USP54: variants seen among roughly 807,000 people sequenced by gnomAD.
USP54 encodes the protein ubiquitin carboxyl-terminal hydrolase 54.
In USP54, 87 loss-of-function variants were observed where a neutral mutation model predicts 170.5. The observed-to-expected ratio is 0.51, with a 90% CI of 0.43 to 0.61. USP54 has a LOEUF of 0.61. USP54 is among the 20% of genes least tolerant of loss of function. The pLI is 0.00. For synonymous variants in USP54, 655 were observed against 742.8 expected (o/e 0.88, Z 1.92); for missense variants, 1,786 against 2,047.8 (o/e 0.87, Z 2.47).
chr10:73,522,171 G>C (rs1465844294), intron 17 of USP54, among the ~76,000 whole-genome samples: 1 of 152,194 alleles, frequency 6.6e-6, no homozygotes, highest in African/African-American at 2.4e-5. Context: ...GGAAACAGCA[G>C]GTTGGTTCTG....
At chr10:73,621,615 A>C (rs2081103900) in intron 1 of USP54, among the ~76,000 whole-genome samples, 1 of 151,660 alleles carries the variant, frequency 6.6e-6, no homozygotes, top group African/African-American at 2.4e-5. Context: ...AAAAAAAAAA[A>C]AAAACTACTG....
intron 4 of USP54, among the ~76,000 whole-genome samples, chr10:73,549,528 C>T (rs1382958004): frequency 1.3e-5 from 2 of 152,152 alleles, no homozygotes; most frequent in East Asian, 1.9e-4. Flanking sequence ...TTGTTTAGGT[C>T]GAAAACCTTG....
At chr10:73,526,373 G>A (rs1267149108) in intron 16 of USP54, among the ~76,000 whole-genome samples, 5 of 151,954 alleles carry the variant, frequency 3.3e-5, no homozygotes, top group Non-Finnish European at 7.4e-5. Flanking sequence ...TCAGCCTCCC[G>A]AGCAGCTGGG....
chr10:73,539,981 C>T (rs1033583850), intron 9 of USP54, among the ~76,000 whole-genome samples: 6 of 151,946 alleles, frequency 3.9e-5, no homozygotes, highest in African/African-American at 1.5e-4. Context: ...CAAAAATCAG[C>T]TGGGTGTGGT....
chr10:73,587,672 T>G, intron 1 of USP54, among the ~76,000 whole-genome samples: 1 of 152,190 alleles, frequency 6.6e-6, no homozygotes, highest in Non-Finnish European at 1.5e-5. Flanking sequence ...TTGACCAAGT[T>G]ATTGAACTAA....
At chr10:73,574,693 C>T (rs2075826227) in intron 3 of USP54, among the ~76,000 whole-genome samples, 1 of 151,922 alleles carries the variant, frequency 6.6e-6, no homozygotes. Context: ...ATGAGAATTG[C>T]TTGAACCCAA....
chr10:73,567,006 A>T (rs1181271403), intron 4 of USP54, among the ~76,000 whole-genome samples: 1 of 151,808 alleles, frequency 6.6e-6, no homozygotes, highest in Non-Finnish European at 1.5e-5. Context: ...CCTCCTGAGT[A>T]GCTGGGATTA....
intron 1 of USP54, among the ~76,000 whole-genome samples, chr10:73,583,527 C>T (rs2077128302): frequency 6.6e-6 from 1 of 152,156 alleles, no homozygotes. Context: ...CTCGGGTGAT[C>T]CGCCCGCCTC....
At chr10:73,583,228 G>T (rs2077088523) in intron 1 of USP54, among the ~76,000 whole-genome samples, 1 of 152,142 alleles carries the variant, frequency 6.6e-6, no homozygotes, top group South Asian at 2.1e-4. Context: ...TAGGATCCTG[G>T]AACAGAAAAA....
At chr10:73,511,574 C>A (rs1163237753) in intron 20 of USP54, among the ~76,000 whole-genome samples, 2 of 150,248 alleles carry the variant, frequency 1.3e-5, no homozygotes, top group South Asian at 2.1e-4. Flanking sequence ...GCACGAGAAT[C>A]GCTTGAACCT....
chr10:73,523,522 G>A (rs2062260170), intron 17 of USP54, 61 bp downstream of exon 17: 5 of 1,466,212 alleles, frequency 3.4e-6, no homozygotes, highest in Admixed American at 2.2e-5. Context: ...AAGCTTAGAT[G>A]TTTTTTTCTA....
intron 1 of USP54, among the ~76,000 whole-genome samples, chr10:73,585,514 T>C (rs2077376810): frequency 6.6e-6 from 1 of 152,100 alleles, no homozygotes; most frequent in African/African-American, 2.4e-5. Flanking sequence ...CAACCAGATC[T>C]TGTGTGAATT....
chr10:73,532,811 T>C (rs536469364), intron 12 of USP54, among the ~76,000 whole-genome samples: 1 of 151,846 alleles, frequency 6.6e-6, no homozygotes, highest in Admixed American at 6.6e-5. Flanking sequence ...TAGCAATAAA[T>C]TGCAAGGAAA....
intron 1 of USP54, among the ~76,000 whole-genome samples, chr10:73,623,990 T>C (rs2081280428): frequency 6.6e-6 from 1 of 151,736 alleles, no homozygotes; most frequent in Non-Finnish European, 1.5e-5. Context: ...CATGCAGAAA[T>C]CTTTTGGACT....
intron 4 of USP54, among the ~76,000 whole-genome samples, chr10:73,557,895 T>G (rs990649400): frequency 6.8e-6 from 1 of 146,114 alleles, no homozygotes; most frequent in Non-Finnish European, 1.5e-5. Context: ...TTTTTTTTTT[T>G]TTTTTGAGAT....
In USP54 at chr10:73,596,720, CAAAAAA is replaced by C. The variant is rs36049099; in HGVS notation, c.-17-21051_-17-21046del. ...AGTTGGACAGAGTGAGATCCTGTCT[CAAAAAA>C]AAAAAAAAAAAAAAAGGAATAAAGG... On this transcript the variant is annotated intron_variant, in intron 1 of 22. Transcript: ENST00000339859. Among the ~76,000 whole-genome samples the C allele has an allele frequency of 6.5e-5, 6 of 91,864 alleles. No individual in the cohort carries two copies. The East Asian group carries it at 1.3e-3, about 19-fold the overall frequency. The allele number at this position is 91,864 out of a possible 152,430, so 60.3% of individuals were successfully genotyped here.
intron 1 of USP54, among the ~76,000 whole-genome samples, chr10:73,612,702 C>T (rs540040922): frequency 3.3e-5 from 5 of 151,788 alleles, no homozygotes; most frequent in Non-Finnish European, 4.4e-5. Context: ...ATAAGCTGAG[C>T]GTGGTGGTGC....
intron 4 of USP54, among the ~76,000 whole-genome samples, chr10:73,551,310 A>G (rs1217267394): frequency 6.6e-6 from 1 of 152,202 alleles, no homozygotes; most frequent in Non-Finnish European, 1.5e-5. Context: ...GAAATCTGTT[A>G]TAATTACTCC....
chr10:73,581,242 T>C (rs1376097490), intron 1 of USP54, among the ~76,000 whole-genome samples: 1 of 152,224 alleles, frequency 6.6e-6, no homozygotes, highest in Non-Finnish European at 1.5e-5. Flanking sequence ...GTGGGCAACA[T>C]GGTAAACTTC....
Sources: gnomAD v4.1 joint callset for allele counts (sites outside exome capture counted in the v4.1 genomes callset) on GRCh38, gnomAD v4.1.1 for gene constraint, MANE v1.5 for transcripts, NCBI Gene and HGNC (gene_info 2026-07-23, HGNC 2026-07-21) for gene names.